ATP6V0A1: variants seen among roughly 807,000 people sequenced by gnomAD.
ATP6V0A1 encodes the protein ATPase H+ transporting V0 subunit a1.
A neutral mutation model predicts 105.4 loss-of-function variants in ATP6V0A1; 43 were observed. The ratio of observed to expected loss-of-function variants is 0.41; its 90% CI spans 0.32 to 0.53. The LOEUF (loss-of-function observed/expected upper bound fraction) is 0.53. ATP6V0A1 is among the 20% of genes least tolerant of loss of function. ATP6V0A1 has a pLI of 0.30. For missense variants in ATP6V0A1, 676 were observed against 1,051.1 expected, an observed-to-expected ratio of 0.64 and a Z score of 4.93; for synonymous variants, 362 against 372.8, an observed-to-expected ratio of 0.97 and a Z score of 0.33.
chr17:42,487,491 G>C (rs1284600363), intron 10 of ATP6V0A1, 124 bp downstream of exon 10: 1 of 860,258 alleles, frequency 1.2e-6, no homozygotes, highest in Non-Finnish European at 1.8e-6. Context: ...ACTTTGGGAG[G>C]CCGAGGCGGG....
intron 21 of ATP6V0A1, chr17:42,518,471 CAG>C (rs2092712704): frequency 6.6e-6 from 1 of 152,228 alleles, no homozygotes; most frequent in African/African-American, 2.4e-5. Context: ...CTGAACGGCA[CAG>C]AGAGTGGCAG....
At chr17:42,479,661 T>A (rs2089240773) in intron 7 of ATP6V0A1, among the ~76,000 whole-genome samples, 1 of 152,112 alleles carries the variant, frequency 6.6e-6, no homozygotes, top group South Asian at 2.1e-4. Context: ...TTGGGTGGGC[T>A]GTGCAGCTGC....
chr17:42,518,767 A>G (rs2092724049), intron 21 of ATP6V0A1: 1 of 152,240 alleles, frequency 6.6e-6, no homozygotes, highest in Non-Finnish European at 1.5e-5. Flanking sequence ...CTAGAGGTGC[A>G]TTTCAGTGTC....
chr17:42,520,509 C>G, intron 21 of ATP6V0A1: 1 of 456,722 alleles, frequency 2.2e-6, no homozygotes, highest in Middle Eastern at 3.3e-4. Flanking sequence ...GAGAAGACTT[C>G]CCCTCCTAAC....
rs538159692 is a variant in ATP6V0A1, at chr17:42,512,271, G to A, written c.2131-1590G>A. Reference sequence around the variant, plus strand: ...GAAGGCAAGGGTAAGGCCTGGAAGCGAGGCTTCTCTCCTGTCCTGCAGTTT... The same window carrying A: ...GAAGGCAAGGGTAAGGCCTGGAAGCAAGGCTTCTCTCCTGTCCTGCAGTTT... On this transcript the variant is annotated intron_variant, in intron 19 of 21. Coordinates refer to ENST00000343619, the MANE Select transcript of ATP6V0A1 (RefSeq NM_001130021.3). Among the ~76,000 whole-genome samples the A allele has an allele frequency of 4.5e-4, 68 of 152,288 alleles. 2 individuals are homozygous for A. The South Asian group carries it at 0.011, about 24-fold the overall frequency.
chr17:42,465,778 A>G (rs1382608785), intron 2 of ATP6V0A1, among the ~76,000 whole-genome samples: 3 of 151,676 alleles, frequency 2.0e-5, no homozygotes, highest in Non-Finnish European at 4.4e-5. Flanking sequence ...ATCCTGGCCA[A>G]CATGGTGAAA....
intron 21 of ATP6V0A1, among the ~76,000 whole-genome samples, chr17:42,517,744 C>G (rs1322765981): frequency 6.6e-6 from 1 of 152,166 alleles, no homozygotes. Flanking sequence ...GGTGGAGCCT[C>G]TGGGGCTGCT....
chr17:42,505,528 C>T (rs1446417151), intron 17 of ATP6V0A1, among the ~76,000 whole-genome samples: 1 of 151,344 alleles, frequency 6.6e-6, no homozygotes, highest in Admixed American at 6.6e-5. Flanking sequence ...TTAGGAGAGA[C>T]GGGGTTTCAC....
intron 4 of ATP6V0A1, 92 bp from the exon 5 acceptor site, chr17:42,469,998 G>T: frequency 1.6e-6 from 2 of 1,257,430 alleles, no homozygotes; most frequent in South Asian, 3.1e-5. Context: ...TGAACTATCG[G>T]CTTGGCAACA....
In ATP6V0A1 at chr17:42,513,947, G is replaced by A; in HGVS notation, c.2217G>A (p.Leu739=). ...LGCISNTASY[L]RLWALSLAHA... ...GCATCTCCAACACTGCCTCCTACTT[G>A]CGGCTCTGGGCCCTCAGCCTCGCTC... The change falls in exon 20 of 22, where the codon TTG becomes TTA. Residue 739 remains leucine, a synonymous_variant. Coordinates refer to ENST00000343619, the MANE Select transcript of ATP6V0A1 (RefSeq NM_001130021.3). 1 of 1,614,164 alleles carries A rather than the reference G, an allele frequency of 6.2e-7. No homozygotes were observed. The highest frequency in any genetic ancestry group is 8.5e-7 in the Non-Finnish European group (1 of 1,180,032).
intron 14 of ATP6V0A1, chr17:42,496,143 A>G (rs1328116538): frequency 1.8e-5 from 3 of 166,308 alleles, no homozygotes; most frequent in East Asian, 3.4e-4. Flanking sequence ...ATTTTTGGGA[A>G]ACCTTGATGT....
At chr17:42,471,682 G>C (rs1160527215) in intron 5 of ATP6V0A1, among the ~76,000 whole-genome samples, 1 of 151,506 alleles carries the variant, frequency 6.6e-6, no homozygotes, top group East Asian at 1.9e-4. Context: ...TGCAGTGAGC[G>C]GAGATTAAGC....
At chr17:42,508,275 A>AAAT (rs2092149234) in intron 18 of ATP6V0A1, among the ~76,000 whole-genome samples, 1 of 152,256 alleles carries the variant, frequency 6.6e-6, no homozygotes, top group Admixed American at 6.5e-5. Flanking sequence ...AAAGCAAATA[A>AAAT]AATAGGAGTT....
intron 2 of ATP6V0A1, among the ~76,000 whole-genome samples, chr17:42,463,870 A>G (rs1316167462): frequency 6.6e-6 from 1 of 152,214 alleles, no homozygotes; most frequent in Non-Finnish European, 1.5e-5. Flanking sequence ...CTGTATTCTT[A>G]CAATAAAGTA....
intron 5 of ATP6V0A1, among the ~76,000 whole-genome samples, chr17:42,471,782 T>C (rs564842838): frequency 1.3e-5 from 2 of 152,140 alleles, no homozygotes; most frequent in African/African-American, 4.8e-5. Flanking sequence ...CTGAGGTGAC[T>C]CCATGGAAAG....
chr17:42,491,435 C>T (rs2090614936), intron 11 of ATP6V0A1, among the ~76,000 whole-genome samples: 2 of 151,848 alleles, frequency 1.3e-5, no homozygotes. Flanking sequence ...CTCAGCCTCC[C>T]GAATAGCTGG....
intron 16 of ATP6V0A1, 103 bp from the exon 17 acceptor site, chr17:42,501,094 G>T: frequency 8.6e-7 from 1 of 1,159,758 alleles, no homozygotes; most frequent in Non-Finnish European, 1.2e-6. Context: ...TCATAGATTA[G>T]TAAGAAAGTA....
chr17:42,472,507 G>A (rs1194108171), intron 5 of ATP6V0A1, among the ~76,000 whole-genome samples: 1 of 151,844 alleles, frequency 6.6e-6, no homozygotes, highest in East Asian at 1.9e-4. Context: ...GGGGGATCAC[G>A]AGGTCAGGAG....
chr17:42,495,518 T>C (rs539318084), intron 13 of ATP6V0A1, 108 bp from the exon 14 acceptor site: 6 of 848,578 alleles, frequency 7.1e-6, no homozygotes, highest in Admixed American at 5.2e-5. Context: ...TCCCATTTTA[T>C]TGAAGAGACA....
Sources: allele counts gnomAD v4.1 joint callset (sites outside exome capture counted in the v4.1 genomes callset), GRCh38; gene constraint gnomAD v4.1.1; transcripts MANE v1.5; gene names NCBI Gene and HGNC (gene_info 2026-07-23, HGNC 2026-07-21).